Variants in MICAL3 observed in about 807,000 individuals in gnomAD.
The protein encoded by MICAL3 is microtubule associated monooxygenase, calponin and LIM domain containing 3.
MICAL3 carries 62 observed loss-of-function variants against 207.4 expected under a neutral mutation model. The observed-to-expected ratio is 0.30, with a 90% CI of 0.24 to 0.37. The LOEUF (loss-of-function observed/expected upper bound fraction) is 0.37. Among genes scored for constraint, MICAL3 ranks in the 10% least tolerant of loss-of-function variants. The pLI is 1.00. For synonymous variants in MICAL3, 1,077 were observed against 1,069.3 expected, an observed-to-expected ratio of 1.01 and a Z score of -0.14; for missense variants, 2,368 against 2,635.6, an observed-to-expected ratio of 0.90 and a Z score of 2.22.
intron 29 of MICAL3, among the ~76,000 whole-genome samples, chr22:17,806,588 A>G (rs2061991768): frequency 6.6e-6 from 1 of 152,206 alleles, no homozygotes; most frequent in African/African-American, 2.4e-5. Context: ...CCATGTTGTC[A>G]CTTATAGCAA....
chr22:17,860,923 A>C (rs542363807), intron 19 of MICAL3: 1 of 985,096 alleles, frequency 1.0e-6, no homozygotes, highest in East Asian at 1.1e-4. Flanking sequence ...CAATTATTAT[A>C]ATTACTATAA....
In MICAL3 at chr22:17,865,085, T is replaced by TCTTA. The variant is rs1354125892; in HGVS notation, c.2518-100_2518-99insTAAG. 5.1e-6 allele frequency: 3 copies of TCTTA among 584,164 alleles called. No homozygotes were observed. The African/African-American group carries it at 6.6e-5, about 13-fold the overall frequency. 36.2% of individuals were successfully genotyped at this position (584,164 alleles called of 1,614,324 possible). On this transcript the variant is annotated intron_variant, in intron 18 of 31. Coordinates refer to ENST00000441493, the MANE Select transcript of MICAL3 (RefSeq NM_015241.3). ...GACAATCTGACACGCTGGTTTTAAA[T>TCTTA]TTTATTTATTTATTTATTTATTTAT... is the stretch of plus-strand genomic sequence containing the variant.
At chr22:17,976,120 G>A (rs1935619344) in intron 1 of MICAL3, among the ~76,000 whole-genome samples, 1 of 152,164 alleles carries the variant, frequency 6.6e-6, no homozygotes, top group African/African-American at 2.4e-5. Context: ...CAGTATGTAA[G>A]TTAAATGTTT....
chr22:17,973,083 A>G (rs1020394382), intron 1 of MICAL3, among the ~76,000 whole-genome samples: 3 of 152,206 alleles, frequency 2.0e-5, no homozygotes, highest in African/African-American at 7.2e-5. Context: ...CTCCGAGCCT[A>G]CTTGCTGTGG....
At chr22:18,020,917 TAAA>T (rs1924430411) in intron 1 of MICAL3, among the ~76,000 whole-genome samples, 1 of 11,376 alleles carries the variant, frequency 8.8e-5, no homozygotes, top group South Asian at 1.4e-3. Flanking sequence ...CTGTCTCAAA[TAAA>T]TAAATAAATA....
At chr22:17,837,036 C>T (rs924945016) in intron 20 of MICAL3, among the ~76,000 whole-genome samples, 3 of 152,222 alleles carry the variant, frequency 2.0e-5, no homozygotes, top group Admixed American at 1.3e-4. Flanking sequence ...TCCTCTGTCC[C>T]GTTGGGCCAT....
At chr22:17,933,332 C>T (rs528448821) in intron 1 of MICAL3, among the ~76,000 whole-genome samples, 9 of 152,336 alleles carry the variant, frequency 5.9e-5, no homozygotes, top group Admixed American at 2.0e-4. Flanking sequence ...CAAAACCACA[C>T]AACTACATGG....
chr22:17,974,798 T>C (rs1203114457), intron 1 of MICAL3, among the ~76,000 whole-genome samples: 1 of 150,566 alleles, frequency 6.6e-6, no homozygotes, highest in Admixed American at 6.6e-5. Context: ...TAGCACGTAA[T>C]ATGTGCTTAC....
intron 1 of MICAL3, among the ~76,000 whole-genome samples, chr22:17,996,134 TAA>T (rs35369164): frequency 1.1e-3 from 100 of 93,568 alleles, no homozygotes; most frequent in Middle Eastern, 7.7e-3. Flanking sequence ...TGTCTCAATT[TAA>T]AAAAAAAAAA....
chr22:17,900,600 T>C lies in MICAL3; in HGVS notation c.847+242A>G, dbSNP rs1038705855. ...CTGGGCAACAGAGCGAGACCTTGTC[T>C]CAAACAAAAAACAAAACCCAGAGCC... On this transcript the variant is annotated intron_variant, in intron 6 of 31. Transcript: ENST00000441493. The surrounding 1 kb of genome is among the most constrained non-coding windows in gnomAD (Gnocchi z 4.0). Among the ~76,000 whole-genome samples, 6 of 151,988 alleles carry C rather than the reference T, an allele frequency of 3.9e-5. No homozygotes were observed. The highest frequency in any genetic ancestry group is 1.5e-4 in the African/African-American group (6 of 41,360).
At chr22:17,813,265 C>G (rs2062067594) in intron 27 of MICAL3, 1 of 152,220 alleles carries the variant, frequency 6.6e-6, no homozygotes, top group Non-Finnish European at 1.5e-5. Flanking sequence ...CTCTTGTGGT[C>G]TCACCAGCCA....
rs936258934 is a variant in MICAL3, at chr22:18,024,367, C to T, written c.-161G>A. On this transcript the variant is annotated 5_prime_UTR_variant, in exon 1 of 32. Transcript: ENST00000441493. ...GTGGGTGCCCGCAGGGCACAGGTGCCGCCGTGGCTGCTCGCACAACCCCTG... is the reference window on the plus strand; with the variant it reads ...GTGGGTGCCCGCAGGGCACAGGTGCTGCCGTGGCTGCTCGCACAACCCCTG... 6.6e-6 allele frequency: 1 copy of T among 152,284 alleles called. No homozygotes were observed. The highest frequency in any genetic ancestry group is 6.5e-5 in the Admixed American group (1 of 15,290). The allele number at this position is 152,284 out of a possible 1,614,324, so 9.4% of individuals were successfully genotyped here.
chr22:17,942,683 G>C (rs1343236480), intron 1 of MICAL3, among the ~76,000 whole-genome samples: 13 of 152,216 alleles, frequency 8.5e-5, no homozygotes, highest in Admixed American at 5.9e-4. Context: ...CTCACACTAG[G>C]CTTCCAGAGT....
intron 1 of MICAL3, among the ~76,000 whole-genome samples, chr22:17,985,769 A>G (rs1920976956): frequency 6.6e-6 from 1 of 152,130 alleles, no homozygotes; most frequent in African/African-American, 2.4e-5. Flanking sequence ...GGGAGATCAG[A>G]GTCTGCAGAG....
At chr22:17,961,750 GC>G (rs1934923105) in intron 1 of MICAL3, among the ~76,000 whole-genome samples, 1 of 152,172 alleles carries the variant, frequency 6.6e-6, no homozygotes. Context: ...CTGGGGCTGG[GC>G]CTGCCCTTAG....
intron 1 of MICAL3, among the ~76,000 whole-genome samples, chr22:17,953,864 G>A (rs1048298076): frequency 2.1e-4 from 30 of 145,028 alleles, no homozygotes; most frequent in African/African-American, 7.3e-4. Context: ...CTAGGAGGGG[G>A]AGGTTGCAGT....
intron 17 of MICAL3, among the ~76,000 whole-genome samples, chr22:17,866,670 T>G (rs540975328): frequency 5.4e-5 from 7 of 130,572 alleles, no homozygotes; most frequent in African/African-American, 8.5e-5. Flanking sequence ...GAATAGAATA[T>G]AGAATAGAAT....
At chr22:17,978,773 C>T (rs867478823) in intron 1 of MICAL3, among the ~76,000 whole-genome samples, 1 of 151,902 alleles carries the variant, frequency 6.6e-6, no homozygotes, top group East Asian at 2.0e-4. Flanking sequence ...CCCGCCTCGG[C>T]CTCCCAAAGT....
At chr22:17,947,990 A>G (rs1934155404) in intron 1 of MICAL3, among the ~76,000 whole-genome samples, 2 of 151,882 alleles carry the variant, frequency 1.3e-5, no homozygotes, top group Non-Finnish European at 2.9e-5. Context: ...AAAAACCCAC[A>G]AAACTGCCAG....
Sources: gnomAD v4.1 joint callset for allele counts (sites outside exome capture counted in the v4.1 genomes callset) on GRCh38, gnomAD v4.1.1 for gene constraint, Gnocchi (gnomAD v3.1) non-coding constraint, MANE v1.5 for transcripts, NCBI Gene and HGNC (gene_info 2026-07-23, HGNC 2026-07-21) for gene names.